RIN2: variants seen among roughly 807,000 people sequenced by gnomAD.
RIN2 encodes the protein Ras and Rab interactor 2.
In RIN2, 36 loss-of-function variants were observed where a neutral mutation model predicts 78.0. The observed-to-expected ratio is 0.46, with a 90% CI of 0.35 to 0.61. The LOEUF (loss-of-function observed/expected upper bound fraction) is 0.61, where lower values mean the gene tolerates loss of function less well. Ranked by LOEUF, RIN2 falls within the 20% of genes least tolerant of loss-of-function variation. The pLI is 0.00. For synonymous variants in RIN2, 466 were observed against 466.8 expected (o/e 1.00, Z 0.02); for missense variants, 1,087 against 1,159.7 (o/e 0.94, Z 0.91).
intron 2 of RIN2, among the ~76,000 whole-genome samples, chr20:19,811,195 A>AGG (rs1387111819): frequency 6.6e-6 from 1 of 151,978 alleles, no homozygotes; most frequent in Admixed American, 6.6e-5. Flanking sequence ...AGAAGGATGG[A>AGG]GGAGGGGTAG....
Position 19,935,125 on chromosome 20 carries a change from C to A in RIN2, c.84C>A (p.Ile28=). The A allele has an allele frequency of 6.2e-7, 1 of 1,602,236 alleles. No individual in the cohort carries two copies. The highest frequency in any genetic ancestry group is 1.1e-5 in the South Asian group (1 of 88,576). Reference sequence around the variant, plus strand: ...TCATTGACACAATTGCCTCGGAGATCGGAGAACTGAAACAGGAGATGGTGC... The same window carrying A: ...TCATTGACACAATTGCCTCGGAGATAGGAGAACTGAAACAGGAGATGGTGC... ...FKLIDTIASE[I]GELKQEMVRT... Residue 28 remains isoleucine (I), a synonymous_variant, in exon 4 of 13, where the codon ATC becomes ATA. Coordinates refer to ENST00000255006, the MANE Select transcript of RIN2 (RefSeq NM_018993.4).
chr20:19,882,236 C>T (rs570440270), intron 2 of RIN2, among the ~76,000 whole-genome samples: 2 of 152,238 alleles, frequency 1.3e-5, no homozygotes, highest in South Asian at 4.2e-4. Context: ...GAATTTGGAA[C>T]TTCATAGAAA....
chr20:19,829,485 A>G (rs2036189733), intron 2 of RIN2, among the ~76,000 whole-genome samples: 1 of 152,220 alleles, frequency 6.6e-6, no homozygotes. Flanking sequence ...AATTTTGTAT[A>G]TCATCTACGT....
intron 3 of RIN2, 142 bp downstream of exon 3, chr20:19,889,800 G>T (rs766864681): frequency 3.4e-6 from 2 of 595,188 alleles, no homozygotes; most frequent in Non-Finnish European, 2.8e-6. Flanking sequence ...CCCAGCTGCT[G>T]ATTGTTACCA....
intron 4 of RIN2, among the ~76,000 whole-genome samples, chr20:19,947,330 G>T (rs1190212925): frequency 6.6e-6 from 1 of 152,082 alleles, no homozygotes; most frequent in Non-Finnish European, 1.5e-5. Context: ...AACACAGCAA[G>T]ACCCCATCTC....
intron 1 of RIN2, among the ~76,000 whole-genome samples, chr20:19,786,780 C>T (rs1040762): frequency 0.13 from 20,434 of 152,068 alleles, 1,635 homozygotes; most frequent in African/African-American, 0.23. Flanking sequence ...ATTTTTATAG[C>T]GGAAGTTGAT....
At chr20:19,770,871 C>T (rs2034086739) in intron 1 of RIN2, among the ~76,000 whole-genome samples, 2 of 53,438 alleles carry the variant, frequency 3.7e-5, no homozygotes, top group Non-Finnish European at 3.8e-5. Flanking sequence ...AAGACTGCCC[C>T]CACCCCCCCC....
At chr20:19,994,838 ACT>A (rs1482576433) in intron 11 of RIN2, among the ~76,000 whole-genome samples, 2 of 152,012 alleles carry the variant, frequency 1.3e-5, no homozygotes, top group African/African-American at 4.8e-5. Context: ...ACAATTCAAA[ACT>A]CTTAACTAGG....
chr20:19,864,018 T>TAA (rs112956359), intron 2 of RIN2, among the ~76,000 whole-genome samples: 49 of 144,748 alleles, frequency 3.4e-4, no homozygotes, highest in African/African-American at 1.1e-3. Flanking sequence ...GGGTGGGTGG[T>TAA]AAAAAAAAAA....
chr20:19,898,345 G>A (rs1199617687), intron 3 of RIN2, among the ~76,000 whole-genome samples: 1 of 152,104 alleles, frequency 6.6e-6, no homozygotes, highest in East Asian at 1.9e-4. Flanking sequence ...CTTCCTTGTA[G>A]CTCTAAGTTT....
chr20:19,992,081 C>T, intron 10 of RIN2, 87 bp from the exon 11 acceptor site: 1 of 1,489,748 alleles, frequency 6.7e-7, no homozygotes, highest in Non-Finnish European at 9.1e-7. Flanking sequence ...AGAGTGACTC[C>T]TTGCTGTCTA....
intron 2 of RIN2, among the ~76,000 whole-genome samples, chr20:19,842,137 C>T (rs574698058): frequency 6.6e-6 from 1 of 152,204 alleles, no homozygotes; most frequent in Non-Finnish European, 1.5e-5. Flanking sequence ...TAGGCTAAAT[C>T]TACTCTGCCT....
intron 4 of RIN2, among the ~76,000 whole-genome samples, chr20:19,953,360 G>C (rs1404461575): frequency 6.6e-6 from 1 of 152,094 alleles, no homozygotes; most frequent in Non-Finnish European, 1.5e-5. Flanking sequence ...TTGAACTCCT[G>C]ACTTCCAGTG....
intron 2 of RIN2, among the ~76,000 whole-genome samples, chr20:19,853,261 T>G (rs1473109301): frequency 6.6e-6 from 1 of 152,080 alleles, no homozygotes; most frequent in Non-Finnish European, 1.5e-5. Flanking sequence ...ATGTGTCACA[T>G]TTTCTTAATC....
intron 2 of RIN2, among the ~76,000 whole-genome samples, chr20:19,836,506 A>G (rs1462013626): frequency 1.3e-5 from 2 of 152,172 alleles, no homozygotes; most frequent in Non-Finnish European, 2.9e-5. Context: ...TTATGTCCCT[A>G]CTTTAATTGG....
At chr20:19,839,846 A>T (rs2036531389) in intron 2 of RIN2, among the ~76,000 whole-genome samples, 1 of 152,246 alleles carries the variant, frequency 6.6e-6, no homozygotes, top group Non-Finnish European at 1.5e-5. Context: ...TGACATGTTT[A>T]AAGTGAGAGT....
At chr20:19,768,434 A>G (rs909454931) in intron 1 of RIN2, among the ~76,000 whole-genome samples, 1 of 152,220 alleles carries the variant, frequency 6.6e-6, no homozygotes, top group African/African-American at 2.4e-5. Context: ...CAGTCAGACT[A>G]AGGGTTGCCC....
intron 6 of RIN2, among the ~76,000 whole-genome samples, chr20:19,962,397 A>G (rs1401139656): frequency 6.6e-6 from 1 of 151,854 alleles, no homozygotes; most frequent in Non-Finnish European, 1.5e-5. Context: ...GTGGAGCACG[A>G]TGGATGTGTT....
intron 3 of RIN2, among the ~76,000 whole-genome samples, chr20:19,924,161 A>G (rs893513898): frequency 2.4e-5 from 1 of 41,390 alleles, no homozygotes; most frequent in African/African-American, 1.0e-4. Context: ...ACCTCTTTAT[A>G]CCCCCACCTT....
Sources: allele counts gnomAD v4.1 joint callset (sites outside exome capture counted in the v4.1 genomes callset), GRCh38; gene constraint gnomAD v4.1.1; transcripts MANE v1.5; gene names NCBI Gene and HGNC (gene_info 2026-07-23, HGNC 2026-07-21).